Variants in RALYL observed in about 807,000 individuals in gnomAD.
RALYL encodes the protein RNA-binding Raly-like protein.
RALYL carries 29 observed loss-of-function variants against 35.1 expected under a neutral mutation model. The observed-to-expected ratio is 0.83, with a 90% CI of 0.61 to 1.13. The LOEUF (loss-of-function observed/expected upper bound fraction) is 1.13, where lower values mean the gene tolerates loss of function less well. RALYL is among the 50% of genes most tolerant of loss of function. The pLI is 0.00. For missense variants in RALYL, 359 were observed against 360.4 expected, an observed-to-expected ratio of 1.00 and a Z score of 0.03; for synonymous variants, 120 against 127.6, an observed-to-expected ratio of 0.94 and a Z score of 0.40.
chr8:84,495,826 T>C (rs1432142352), intron 1 of RALYL, among the ~76,000 whole-genome samples: 2 of 152,148 alleles, frequency 1.3e-5, no homozygotes, highest in Admixed American at 6.6e-5. Context: ...TCTCTTCAGA[T>C]GTAACAAGGA....
intron 2 of RALYL, among the ~76,000 whole-genome samples, chr8:84,706,514 A>G (rs1198659372): frequency 2.6e-5 from 4 of 152,158 alleles, no homozygotes; most frequent in African/African-American, 7.2e-5. Flanking sequence ...GAGGGGAGAG[A>G]GTTAATTGTG....
intron 4 of RALYL, among the ~76,000 whole-genome samples, chr8:84,825,628 A>G (rs1464638423): frequency 1.3e-5 from 2 of 152,236 alleles, no homozygotes; most frequent in East Asian, 3.9e-4. Context: ...AGCAATTTGG[A>G]AGGCCGAGGC....
chr8:84,604,714 A>G (rs371935586), intron 2 of RALYL, among the ~76,000 whole-genome samples: 136 of 152,214 alleles, frequency 8.9e-4, no homozygotes, highest in African/African-American at 3.0e-3. Context: ...CCTTAACCTC[A>G]TATCAATTTG....
At chr8:84,593,802 T>C (rs1481826045) in intron 2 of RALYL, among the ~76,000 whole-genome samples, 1 of 152,096 alleles carries the variant, frequency 6.6e-6, no homozygotes, top group Non-Finnish European at 1.5e-5. Flanking sequence ...ATAAAACTTC[T>C]CCTTTGCAAA....
chr8:84,422,136 C>T (rs2045707657), intron 1 of RALYL, among the ~76,000 whole-genome samples: 1 of 144,962 alleles, frequency 6.9e-6, no homozygotes, highest in Admixed American at 6.9e-5. Context: ...CCAGTTCCTC[C>T]TTGTACCTCT....
chr8:84,858,745 C>G (rs1458190828), intron 5 of RALYL, among the ~76,000 whole-genome samples: 2 of 152,138 alleles, frequency 1.3e-5, no homozygotes, highest in African/African-American at 4.8e-5. Context: ...ACCTACTTCC[C>G]TCTATATTTT....
At chr8:84,378,434 A>G (rs1857340720) in intron 1 of RALYL, among the ~76,000 whole-genome samples, 1 of 151,938 alleles carries the variant, frequency 6.6e-6, no homozygotes, top group Non-Finnish European at 1.5e-5. Context: ...GCATATATGA[A>G]TAATACATTT....
chr8:84,218,214 A>G (rs1412557152), intron 1 of RALYL, among the ~76,000 whole-genome samples: 1 of 152,042 alleles, frequency 6.6e-6, no homozygotes, highest in Admixed American at 6.6e-5. Context: ...TGAAATTATG[A>G]TAGGATTTAA....
At chr8:84,662,586 G>A (rs1831139904) in intron 2 of RALYL, among the ~76,000 whole-genome samples, 1 of 152,040 alleles carries the variant, frequency 6.6e-6, no homozygotes, top group South Asian at 2.1e-4. Flanking sequence ...GTGAAACAAG[G>A]CTGTCTGAGC....
chr8:84,511,657 C>G (rs2057632881), intron 1 of RALYL, among the ~76,000 whole-genome samples: 1 of 152,138 alleles, frequency 6.6e-6, no homozygotes, highest in Non-Finnish European at 1.5e-5. Context: ...TTCTATCTAA[C>G]TGTATGCTTG....
At chr8:84,469,501 C>G (rs2052348923) in intron 1 of RALYL, among the ~76,000 whole-genome samples, 1 of 152,196 alleles carries the variant, frequency 6.6e-6, no homozygotes, top group African/African-American at 2.4e-5. Flanking sequence ...TCTGCCCGTC[C>G]TGAGATCTCC....
chr8:84,294,476 G>A (rs1002623227), intron 1 of RALYL, among the ~76,000 whole-genome samples: 1 of 152,080 alleles, frequency 6.6e-6, no homozygotes, highest in African/African-American at 2.4e-5. Context: ...GAAACTCTTG[G>A]CTGGGCAGGG....
chr8:84,222,540 T>C (rs1822502163), intron 1 of RALYL, among the ~76,000 whole-genome samples: 1 of 152,130 alleles, frequency 6.6e-6, no homozygotes, highest in African/African-American at 2.4e-5. Flanking sequence ...CTCTGATGAT[T>C]AAATTAGAGT....
chr8:84,707,091 G>A (rs961582329), intron 2 of RALYL, among the ~76,000 whole-genome samples: 9 of 151,986 alleles, frequency 5.9e-5, no homozygotes, highest in African/African-American at 1.9e-4. Context: ...TTTTTAGTGC[G>A]ATAATTTATT....
intron 4 of RALYL, among the ~76,000 whole-genome samples, chr8:84,837,877 A>G (rs749876136): frequency 1.1e-4 from 16 of 152,244 alleles, no homozygotes; most frequent in Non-Finnish European, 2.2e-4. Flanking sequence ...AATACCTGCC[A>G]TAAGCCAATG....
At chr8:84,193,245 A>G (rs1319237845) in intron 1 of RALYL, among the ~76,000 whole-genome samples, 1 of 152,174 alleles carries the variant, frequency 6.6e-6, no homozygotes, top group Non-Finnish European at 1.5e-5. Flanking sequence ...TTTTAAAGCC[A>G]CAGTAAGGAA....
At chr8:84,553,715 A>C (rs1431804293) in intron 2 of RALYL, among the ~76,000 whole-genome samples, 6 of 152,216 alleles carry the variant, frequency 3.9e-5, no homozygotes, top group Non-Finnish European at 8.8e-5. Flanking sequence ...TGCCTGGAAA[A>C]AAAAAAGGAG....
At chr8:84,854,029 A>G (rs1563748750) in intron 5 of RALYL, among the ~76,000 whole-genome samples, 1 of 152,206 alleles carries the variant, frequency 6.6e-6, no homozygotes, top group Non-Finnish European at 1.5e-5. Context: ...AATATTAGCT[A>G]GTATTAACAG....
At chr8:84,585,849 C>T (rs532156726) in intron 2 of RALYL, among the ~76,000 whole-genome samples, 40 of 152,054 alleles carry the variant, frequency 2.6e-4, no homozygotes, top group African/African-American at 8.2e-4. Context: ...TCCAGGGTGC[C>T]GAATGCTGAG....
Sources: allele counts gnomAD v4.1 joint callset (sites outside exome capture counted in the v4.1 genomes callset), GRCh38; gene constraint gnomAD v4.1.1; transcripts MANE v1.5; gene names NCBI Gene and HGNC (gene_info 2026-07-23, HGNC 2026-07-21).